The following ZFAT variants were observed in gnomAD, a reference collection of about 807,000 sequenced individuals.
The protein encoded by ZFAT is zinc finger and AT-hook domain containing, also known as zinc finger protein ZFAT.
A neutral mutation model predicts 117.7 loss-of-function variants in ZFAT; 64 were observed. That is an observed-to-expected ratio of 0.54 (90% confidence interval 0.44 to 0.67). ZFAT has a LOEUF of 0.67. ZFAT is among the 30% of genes least tolerant of loss of function. The pLI is 0.00. For missense variants in ZFAT, 1,433 were observed against 1,584.5 expected (o/e 0.90, Z 1.62); for synonymous variants, 679 against 615.0 (o/e 1.10, Z -1.54).
chr8:134,770,289 T>G, the ZFAT span, among the ~76,000 whole-genome samples: 1 of 152,208 alleles, frequency 6.6e-6, no homozygotes, highest in African/African-American at 2.4e-5. Flanking sequence ...GGACCTTAAA[T>G]GGAGGGACCG....
intron 11 of ZFAT, among the ~76,000 whole-genome samples, chr8:134,551,402 C>T (rs1823158615): frequency 6.6e-6 from 1 of 152,172 alleles, no homozygotes; most frequent in African/African-American, 2.4e-5. Context: ...AAGCACATGG[C>T]TATTACAAAG....
At chr8:134,724,308 G>A in the ZFAT span, among the ~76,000 whole-genome samples, 1 of 152,192 alleles carries the variant, frequency 6.6e-6, no homozygotes, top group African/African-American at 2.4e-5. Context: ...CAGAAGGAAG[G>A]ACAATGGAAC....
At chr8:134,630,753 G>A (rs1251395754) in intron 3 of ZFAT, among the ~76,000 whole-genome samples, 1 of 152,104 alleles carries the variant, frequency 6.6e-6, no homozygotes, top group African/African-American at 2.4e-5. Flanking sequence ...CCATTCAAAT[G>A]CAGAATAAAA....
intron 15 of ZFAT, among the ~76,000 whole-genome samples, chr8:134,497,203 G>T (rs905920585): frequency 6.6e-6 from 1 of 152,346 alleles, no homozygotes; most frequent in Admixed American, 6.5e-5. Context: ...TACTGGAGAC[G>T]TTCTGAGTTA....
rs1826197003 is a variant in ZFAT at position 134,588,102 on chromosome 8, G to A, written c.2713+144C>T. 3.0e-6 allele frequency: 3 copies of A among 984,230 alleles called. No homozygotes were observed. The East Asian group carries it at 8.1e-5, about 27-fold the overall frequency. The allele number at this position is 984,230 out of a possible 1,614,324, so 61.0% of individuals were successfully genotyped here. A position where few individuals can be genotyped will look rare whatever the true frequency, so the allele number is the denominator to read the frequency against. ...ATGGTTTAAATTACTGTTTGTAGCT[G>A]GTTGATGGACACATCTCTCAGTGTG... On this transcript the variant is annotated intron_variant, in intron 9 of 15. Coordinates refer to ENST00000377838, the MANE Select transcript of ZFAT (RefSeq NM_020863.4).
intron 12 of ZFAT, among the ~76,000 whole-genome samples, chr8:134,528,932 A>C (rs190600847): frequency 6.6e-6 from 1 of 152,216 alleles, no homozygotes; most frequent in Non-Finnish European, 1.5e-5. Context: ...ACATGCTCAA[A>C]GTAGAAATAT....
At position 134,636,199 on chromosome 8, in the gene ZFAT, G is replaced by C. The variant is rs374760016; in HGVS notation, c.448+1262C>G. ...TTGCTTATTGTAGGGAGGCATTTAT[G>C]GTGAGGAATTTAAGAACAGGGGTCA... On this transcript the variant is annotated intron_variant, in intron 3 of 15. Coordinates refer to ENST00000377838, the MANE Select transcript of ZFAT (RefSeq NM_020863.4). Among the ~76,000 whole-genome samples, 18 of 152,332 alleles carry C rather than the reference G, an allele frequency of 1.2e-4. No individual in the cohort carries two copies. The South Asian group carries it at 3.5e-3, about 30-fold the overall frequency.
intron 1 of ZFAT, among the ~76,000 whole-genome samples, chr8:134,695,446 C>A (rs1248772371): frequency 6.6e-6 from 1 of 151,368 alleles, no homozygotes; most frequent in Non-Finnish European, 1.5e-5. Context: ...ACCCTCCAGG[C>A]CCGGCCATCT....
At chr8:134,564,762 A>G (rs1824305761) in intron 11 of ZFAT, among the ~76,000 whole-genome samples, 1 of 152,206 alleles carries the variant, frequency 6.6e-6, no homozygotes, top group South Asian at 2.1e-4. Flanking sequence ...ACTGGACCCT[A>G]GTGATTGTTG....
chr8:134,725,500 C>T, the ZFAT span, among the ~76,000 whole-genome samples: 25 of 152,194 alleles, frequency 1.6e-4, no homozygotes, highest in African/African-American at 5.5e-4. Context: ...AGGTGCTACA[C>T]GCTTTTCTAC....
At chr8:134,807,671 C>T in the ZFAT span, among the ~76,000 whole-genome samples, 1 of 150,796 alleles carries the variant, frequency 6.6e-6, no homozygotes, top group Non-Finnish European at 1.5e-5. Context: ...ATTCACAAAC[C>T]ACCAGAAACC....
At chr8:134,508,879 A>T (rs1644666376) in intron 15 of ZFAT, among the ~76,000 whole-genome samples, 1 of 152,208 alleles carries the variant, frequency 6.6e-6, no homozygotes, top group African/African-American at 2.4e-5. Context: ...TTGATTTCAG[A>T]TTATATATTT....
At chr8:134,791,435 A>G in the ZFAT span, among the ~76,000 whole-genome samples, 1 of 152,070 alleles carries the variant, frequency 6.6e-6, no homozygotes, top group Non-Finnish European at 1.5e-5. Context: ...ACTATCATCC[A>G]CCTAGGTCAG....
chr8:134,761,415 C>A, the ZFAT span, among the ~76,000 whole-genome samples: 6 of 151,926 alleles, frequency 3.9e-5, no homozygotes, highest in Admixed American at 3.9e-4. Flanking sequence ...CAATAAATCA[C>A]AACAGGCCAG....
chr8:134,708,241 C>T (rs948606566), intron 1 of ZFAT, among the ~76,000 whole-genome samples: 2 of 152,110 alleles, frequency 1.3e-5, no homozygotes, highest in Admixed American at 1.3e-4. Context: ...CAAGAGGAAT[C>T]GTTTTTTTCT....
intron 7 of ZFAT, among the ~76,000 whole-genome samples, chr8:134,591,826 T>A (rs975556140): frequency 6.6e-6 from 1 of 151,998 alleles, no homozygotes; most frequent in Non-Finnish European, 1.5e-5. Context: ...ATGGACCACA[T>A]CCTCCCCCAC....
the ZFAT span, among the ~76,000 whole-genome samples, chr8:134,801,737 G>A: frequency 1.3e-5 from 2 of 152,152 alleles, no homozygotes; most frequent in Non-Finnish European, 2.9e-5. Context: ...AGAAAAAATG[G>A]TCTCACATTT....
rs570997424 is a variant in ZFAT, at chr8:134,665,758, G to A, written c.20-8021C>T. 1.4e-4 allele frequency among the ~76,000 whole-genome samples: 22 copies of A among 152,184 alleles called. No homozygotes were observed. The South Asian group carries it at 2.9e-3, about 20-fold the overall frequency. ...ATCACAGAGAGAGAGAGATGGACAG[G>A]AGAAGGGGGATGAATATCACCTTCA... On this transcript the variant is annotated intron_variant, in intron 1 of 15. Coordinates refer to ENST00000377838, the MANE Select transcript of ZFAT (RefSeq NM_020863.4).
chr8:134,684,140 A>G (rs1051242354), intron 1 of ZFAT, among the ~76,000 whole-genome samples: 8 of 152,108 alleles, frequency 5.3e-5, no homozygotes, highest in Non-Finnish European at 8.8e-5. Context: ...AAGAGAGAGT[A>G]CAGGGACATT....
Sources: gnomAD v4.1 joint callset for allele counts (sites outside exome capture counted in the v4.1 genomes callset) on GRCh38, gnomAD v4.1.1 for gene constraint, MANE v1.5 for transcripts, NCBI Gene and HGNC (gene_info 2026-07-23, HGNC 2026-07-21) for gene names.